Variants in KCTD16 observed in about 807,000 individuals in gnomAD.
KCTD16 encodes BTB/POZ domain-containing protein KCTD16.
In KCTD16, 13 loss-of-function variants were observed where a neutral mutation model predicts 33.2. That is an observed-to-expected ratio of 0.39 (90% CI 0.25 to 0.62). The LOEUF (loss-of-function observed/expected upper bound fraction) is 0.62, where lower values mean the gene tolerates loss of function less well. Ranked by LOEUF, KCTD16 falls within the 20% of genes least tolerant of loss-of-function variation. The pLI is 0.50. For synonymous variants in KCTD16, 197 were observed against 195.3 expected, an observed-to-expected ratio of 1.01 and a Z score of -0.07; for missense variants, 441 against 525.1, an observed-to-expected ratio of 0.84 and a Z score of 1.57.
At chr5:144,383,483 CT>C (rs1258494362) in intron 3 of KCTD16, among the ~76,000 whole-genome samples, 2 of 150,922 alleles carry the variant, frequency 1.3e-5, no homozygotes, top group Non-Finnish European at 2.9e-5. Flanking sequence ...AAGCTTTTTA[CT>C]GTGCTAAATT....
intron 3 of KCTD16, among the ~76,000 whole-genome samples, chr5:144,208,350 G>A (rs1208031605): frequency 6.6e-6 from 1 of 152,124 alleles, no homozygotes. Context: ...GTTCTTAGAG[G>A]TCAGTTCATT....
intron 2 of KCTD16, among the ~76,000 whole-genome samples, chr5:144,180,027 C>A (rs1752585352): frequency 6.6e-6 from 1 of 152,206 alleles, no homozygotes; most frequent in African/African-American, 2.4e-5. Context: ...CTCAGTGCTT[C>A]TAGCTTGATG....
chr5:144,268,622 A>G (rs1401196539), intron 3 of KCTD16, among the ~76,000 whole-genome samples: 1 of 152,208 alleles, frequency 6.6e-6, no homozygotes, highest in Admixed American at 6.5e-5. Context: ...ACCCTGGTTT[A>G]TAGAGTTAGA....
chr5:144,254,835 C>T (rs1389942700), intron 3 of KCTD16, among the ~76,000 whole-genome samples: 1 of 152,090 alleles, frequency 6.6e-6, no homozygotes, highest in African/African-American at 2.4e-5. Context: ...TCACAGTTCA[C>T]TGCGGCCTCT....
chr5:144,392,280 G>T (rs1482566750), intron 3 of KCTD16, among the ~76,000 whole-genome samples: 1 of 152,168 alleles, frequency 6.6e-6, no homozygotes, highest in Non-Finnish European at 1.5e-5. Flanking sequence ...GGCCAATGTG[G>T]CTATGAGTGA....
chr5:144,179,853 G>T (rs1397815584), intron 2 of KCTD16, among the ~76,000 whole-genome samples: 1 of 152,204 alleles, frequency 6.6e-6, no homozygotes, highest in Non-Finnish European at 1.5e-5. Context: ...GTTTAACAAA[G>T]ATTTATTGAG....
At position 144,248,964 on chromosome 5, in the gene KCTD16, T is replaced by C. The variant is rs146486553; in HGVS notation, c.832+41418T>C. 3.8e-3 allele frequency among the ~76,000 whole-genome samples: 583 copies of C among 152,322 alleles called. 3 individuals are homozygous for C. Among genetic ancestry groups the C allele is most frequent in the Middle Eastern group, 0.014 (4 of 294 alleles). Reference sequence around the variant, plus strand: ...TAATATAACAAAGACTCTGCCTCTTTACTTGGTCTCAGCAAAGATCCTGAT... The same window carrying C: ...TAATATAACAAAGACTCTGCCTCTTCACTTGGTCTCAGCAAAGATCCTGAT... On this transcript the variant is annotated intron_variant, in intron 3 of 3. Transcript: ENST00000512467.
intron 3 of KCTD16, among the ~76,000 whole-genome samples, chr5:144,236,574 C>G (rs934790288): frequency 1.3e-5 from 2 of 152,064 alleles, no homozygotes; most frequent in Non-Finnish European, 2.9e-5. Context: ...TATTTTGTGA[C>G]ACAGACTAAA....
intron 3 of KCTD16, among the ~76,000 whole-genome samples, chr5:144,414,963 T>C (rs1753013190): frequency 6.6e-6 from 1 of 152,204 alleles, no homozygotes; most frequent in Admixed American, 6.5e-5. Flanking sequence ...TCTGAAGCTA[T>C]TGGCAATGGT....
At chr5:144,335,219 A>G (rs994816747) in intron 3 of KCTD16, among the ~76,000 whole-genome samples, 1 of 152,234 alleles carries the variant, frequency 6.6e-6, no homozygotes, top group Non-Finnish European at 1.5e-5. Flanking sequence ...TAACTAGAAG[A>G]CATGTTACTA....
intron 3 of KCTD16, among the ~76,000 whole-genome samples, chr5:144,295,822 T>C (rs376103405): frequency 4.6e-5 from 7 of 152,306 alleles, no homozygotes; most frequent in African/African-American, 1.4e-4. Flanking sequence ...GTGACACTGC[T>C]GACTTTGAAA....
chr5:144,301,229 A>G (rs1285427942), intron 3 of KCTD16, among the ~76,000 whole-genome samples: 1 of 137,378 alleles, frequency 7.3e-6, no homozygotes, highest in East Asian at 2.2e-4. Flanking sequence ...TGACAGAGCG[A>G]GATTCCATCT....
At chr5:144,458,537 G>T (rs1413165432) in intron 3 of KCTD16, among the ~76,000 whole-genome samples, 1 of 152,126 alleles carries the variant, frequency 6.6e-6, no homozygotes, top group Non-Finnish European at 1.5e-5. Context: ...CTTTGGTCCT[G>T]TTGTTTAGAA....
At chr5:144,289,760 C>G (rs557088253) in intron 3 of KCTD16, among the ~76,000 whole-genome samples, 2 of 151,820 alleles carry the variant, frequency 1.3e-5, no homozygotes, top group East Asian at 3.8e-4. Flanking sequence ...TCCTTAAGAA[C>G]CCAATTGGCT....
At chr5:144,179,510 C>T (rs2126772567) in intron 2 of KCTD16, among the ~76,000 whole-genome samples, 1 of 152,288 alleles carries the variant, frequency 6.6e-6, no homozygotes, top group Middle Eastern at 3.4e-3. Context: ...TAATAAACTG[C>T]TGCCAGTCTC....
At chr5:144,216,255 A>T (rs1753559446) in intron 3 of KCTD16, among the ~76,000 whole-genome samples, 1 of 152,194 alleles carries the variant, frequency 6.6e-6, no homozygotes, top group Non-Finnish European at 1.5e-5. Flanking sequence ...AAAACAAGAC[A>T]TTTTGCTTCA....
At chr5:144,269,258 T>C (rs1755230335) in intron 3 of KCTD16, among the ~76,000 whole-genome samples, 1 of 151,716 alleles carries the variant, frequency 6.6e-6, no homozygotes, top group South Asian at 2.1e-4. Context: ...AGAAACTAAG[T>C]AAGATGAATG....
chr5:144,293,490 C>T (rs1420175386), intron 3 of KCTD16, among the ~76,000 whole-genome samples: 2 of 152,094 alleles, frequency 1.3e-5, no homozygotes, highest in Non-Finnish European at 2.9e-5. Context: ...TATAAAAATG[C>T]ACTTTTTATT....
At chr5:144,182,367 T>C (rs1752643538) in intron 2 of KCTD16, among the ~76,000 whole-genome samples, 1 of 152,182 alleles carries the variant, frequency 6.6e-6, no homozygotes, top group Non-Finnish European at 1.5e-5. Context: ...CATTCTGTTA[T>C]AGCAGTAGAA....
Sources: allele counts gnomAD v4.1 joint callset (sites outside exome capture counted in the v4.1 genomes callset), GRCh38; gene constraint gnomAD v4.1.1; transcripts MANE v1.5; gene names NCBI Gene and HGNC (gene_info 2026-07-23, HGNC 2026-07-21).